The following LRRTM4 variants were observed in gnomAD, a reference collection of about 807,000 sequenced individuals.
The protein encoded by LRRTM4 is leucine-rich repeat transmembrane neuronal protein 4.
A neutral mutation model predicts 47.6 loss-of-function variants in LRRTM4; 25 were observed. The observed-to-expected ratio is 0.53, with a 90% CI of 0.38 to 0.73. The LOEUF is 0.73. Ranked by LOEUF, LRRTM4 falls within the 30% of genes least tolerant of loss-of-function variation. The pLI is 0.00. For synonymous variants in LRRTM4, 311 were observed against 269.5 expected, an observed-to-expected ratio of 1.15 and a Z score of -1.51; for missense variants, 638 against 713.4, an observed-to-expected ratio of 0.89 and a Z score of 1.20.
intron 3 of LRRTM4, among the ~76,000 whole-genome samples, chr2:77,230,625 T>C (rs912330447): frequency 2.6e-5 from 4 of 152,162 alleles, no homozygotes; most frequent in Non-Finnish European, 4.4e-5. Flanking sequence ...AACTCTTTGA[T>C]TCTTAGTTTC....
chr2:77,020,586 A>G (rs931175102), intron 3 of LRRTM4, among the ~76,000 whole-genome samples: 2 of 145,110 alleles, frequency 1.4e-5, no homozygotes, highest in East Asian at 4.1e-4. Context: ...ATAAACACAA[A>G]TTACACACTC....
intron 3 of LRRTM4, among the ~76,000 whole-genome samples, chr2:77,168,635 C>A (rs1397817810): frequency 6.6e-6 from 1 of 152,064 alleles, no homozygotes; most frequent in African/African-American, 2.4e-5. Flanking sequence ...ACTTTTCTAT[C>A]AAACATAAGA....
At chr2:77,143,450 CCACTT>C (rs1672177300) in intron 3 of LRRTM4, among the ~76,000 whole-genome samples, 1 of 152,060 alleles carries the variant, frequency 6.6e-6, no homozygotes, top group African/African-American at 2.4e-5. Flanking sequence ...TTTCAGTGCT[CCACTT>C]TACTTTCTTT....
At chr2:76,798,216 A>C (rs561907230) in intron 3 of LRRTM4, among the ~76,000 whole-genome samples, 21 of 152,230 alleles carry the variant, frequency 1.4e-4, no homozygotes, top group East Asian at 3.9e-4. Flanking sequence ...CTCTCCTCAG[A>C]AAATGTAAAA....
intron 3 of LRRTM4, among the ~76,000 whole-genome samples, chr2:76,908,309 C>T (rs571593747): frequency 6.6e-6 from 1 of 152,260 alleles, no homozygotes; most frequent in African/African-American, 2.4e-5. Context: ...ATGCTAAAAA[C>T]TCTCAATAAA....
At chr2:76,809,712 T>G (rs1005958749) in intron 3 of LRRTM4, among the ~76,000 whole-genome samples, 2 of 152,142 alleles carry the variant, frequency 1.3e-5, no homozygotes, top group Non-Finnish European at 2.9e-5. Flanking sequence ...AATACAAACC[T>G]TGGCCTACAA....
At chr2:77,505,568 T>A (rs1265134630) in intron 3 of LRRTM4, among the ~76,000 whole-genome samples, 1 of 151,482 alleles carries the variant, frequency 6.6e-6, no homozygotes, top group African/African-American at 2.4e-5. Context: ...TCTAGAAGAT[T>A]TCCTCTTAAT....
At chr2:77,091,915 A>C (rs1001544981) in intron 3 of LRRTM4, among the ~76,000 whole-genome samples, 1 of 142,674 alleles carries the variant, frequency 7.0e-6, no homozygotes, top group Non-Finnish European at 1.5e-5. Context: ...CTTCCTGGGC[A>C]TGGTTAGCGC....
chr2:76,778,429 A>T (rs1674158314), intron 3 of LRRTM4, among the ~76,000 whole-genome samples: 1 of 146,760 alleles, frequency 6.8e-6, no homozygotes, highest in African/African-American at 2.7e-5. Flanking sequence ...TTATTGCCAC[A>T]ATTTCAGCTC....
At chr2:77,293,325 T>C (rs13416390) in intron 3 of LRRTM4, among the ~76,000 whole-genome samples, 22,418 of 152,084 alleles carry the variant, frequency 0.15, 3,685 homozygotes, top group African/African-American at 0.4. Flanking sequence ...TATTTAAACT[T>C]TGTGATTCAT....
At chr2:76,782,721 A>G (rs185954927) in intron 3 of LRRTM4, among the ~76,000 whole-genome samples, 98 of 152,250 alleles carry the variant, frequency 6.4e-4, no homozygotes, top group South Asian at 8.3e-4. Context: ...AATCGTCACA[A>G]ATCTCCAATT....
chr2:76,795,128 T>C (rs1233059641), intron 3 of LRRTM4, among the ~76,000 whole-genome samples: 1 of 151,256 alleles, frequency 6.6e-6, no homozygotes, highest in Non-Finnish European at 1.5e-5. Flanking sequence ...TTACTAACAA[T>C]AATATTAAAG....
intron 3 of LRRTM4, among the ~76,000 whole-genome samples, chr2:77,007,502 C>A (rs978047311): frequency 1.3e-5 from 2 of 152,102 alleles, no homozygotes; most frequent in Non-Finnish European, 1.5e-5. Flanking sequence ...ACAGAAATAG[C>A]CATTTCCATT....
At chr2:77,495,584 G>A (rs182210976) in intron 3 of LRRTM4, among the ~76,000 whole-genome samples, 2 of 152,096 alleles carry the variant, frequency 1.3e-5, no homozygotes, top group Non-Finnish European at 2.9e-5. Flanking sequence ...ATGAGGTTGA[G>A]TGATTTTTGC....
At chr2:77,115,373 C>T (rs1007505857) in intron 3 of LRRTM4, among the ~76,000 whole-genome samples, 2 of 152,096 alleles carry the variant, frequency 1.3e-5, no homozygotes, top group African/African-American at 4.8e-5. Flanking sequence ...TCATATTGTT[C>T]GAACACACAT....
At chr2:76,768,188 A>AT (rs1193506196) in intron 3 of LRRTM4, among the ~76,000 whole-genome samples, 1 of 152,164 alleles carries the variant, frequency 6.6e-6, no homozygotes, top group Non-Finnish European at 1.5e-5. Context: ...AAATGTTGCT[A>AT]TTTGAAAGTA....
chr2:77,334,339 T>C (rs559738387), intron 3 of LRRTM4, among the ~76,000 whole-genome samples: 2 of 152,182 alleles, frequency 1.3e-5, no homozygotes, highest in Admixed American at 1.3e-4. Context: ...TATGGTTCAG[T>C]TTTGTCCCCA....
At chr2:77,292,932 T>C (rs1442719970) in intron 3 of LRRTM4, among the ~76,000 whole-genome samples, 3 of 151,646 alleles carry the variant, frequency 2.0e-5, no homozygotes, top group Non-Finnish European at 4.4e-5. Flanking sequence ...CTAATTCAGA[T>C]CGCATGACTT....
intron 3 of LRRTM4, among the ~76,000 whole-genome samples, chr2:77,515,994 A>C (rs1303610869): frequency 1.3e-5 from 2 of 151,822 alleles, no homozygotes; most frequent in Admixed American, 6.6e-5. Flanking sequence ...TTTCGTTTTA[A>C]AACAAGTTGA....
Sources: allele counts gnomAD v4.1 joint callset (sites outside exome capture counted in the v4.1 genomes callset), GRCh38; gene constraint gnomAD v4.1.1; transcripts MANE v1.5; gene names NCBI Gene and HGNC (gene_info 2026-07-23, HGNC 2026-07-21).